Variants in TMTC1 observed in about 807,000 individuals in gnomAD.
The protein encoded by TMTC1 is transmembrane O-mannosyltransferase targeting cadherins 1.
A neutral mutation model predicts 104.8 loss-of-function variants in TMTC1; 73 were observed. The ratio of observed to expected loss-of-function variants is 0.70; its 90% CI spans 0.58 to 0.85. The LOEUF is 0.85. Ranked by LOEUF, TMTC1 falls within the 40% of genes least tolerant of loss-of-function variation. The pLI is 0.00. For missense variants in TMTC1, 1,035 were observed against 1,096.1 expected, an observed-to-expected ratio of 0.94 and a Z score of 0.79; for synonymous variants, 434 against 428.7, an observed-to-expected ratio of 1.01 and a Z score of -0.15.
chr12:29,688,919 G>A (rs1052008932), intron 5 of TMTC1, among the ~76,000 whole-genome samples: 3 of 151,938 alleles, frequency 2.0e-5, no homozygotes, highest in Non-Finnish European at 4.4e-5. Flanking sequence ...CCTCCCTGGT[G>A]GCCCTGTGTG....
At chr12:29,714,719 G>A (rs766068070) in intron 5 of TMTC1, among the ~76,000 whole-genome samples, 8 of 152,192 alleles carry the variant, frequency 5.3e-5, no homozygotes, top group Admixed American at 3.9e-4. Flanking sequence ...TCTCCCAAAC[G>A]CACATCCCAA....
chr12:29,733,106 A>G (rs1434176805), intron 5 of TMTC1, among the ~76,000 whole-genome samples: 3 of 152,228 alleles, frequency 2.0e-5, no homozygotes, highest in East Asian at 3.9e-4. Flanking sequence ...TCTGAACTCA[A>G]TTTTCTCCCA....
intron 5 of TMTC1, 41 bp downstream of exon 5, chr12:29,751,625 A>T (rs369966275): frequency 1.2e-4 from 191 of 1,608,246 alleles, no homozygotes; most frequent in Admixed American, 2.3e-4. Context: ...GTGATGCTGG[A>T]CATTGAAAAC....
chr12:29,604,308 CACA>C lies in TMTC1; in HGVS notation c.1129-12_1129-10del. On this transcript the variant is annotated splice_polypyrimidine_tract_variant and intron_variant, in intron 6 of 17. Coordinates refer to ENST00000539277, the MANE Select transcript of TMTC1 (RefSeq NM_001193451.2). ...TCCTTGTGCTCCAGTCTCTGAAACA[CACA>C]ATAGTGAAGGAAACATTAACTTCTG... The C allele has an allele frequency of 1.2e-6, 2 of 1,613,810 alleles. No homozygotes were observed. The highest frequency in any genetic ancestry group is 1.7e-6 in the Non-Finnish European group (2 of 1,179,750).
intron 9 of TMTC1, among the ~76,000 whole-genome samples, chr12:29,563,805 G>C (rs1353204032): frequency 3.3e-5 from 5 of 152,178 alleles, no homozygotes; most frequent in African/African-American, 1.2e-4. Flanking sequence ...TAAAGAGAAA[G>C]CTGTCCTTGC....
rs911992334 is a variant in TMTC1, at chr12:29,576,813, T to G, written c.1419-4595A>C. 4.6e-5 allele frequency among the ~76,000 whole-genome samples: 7 copies of G among 152,222 alleles called. 1 individual carries two copies. The highest frequency in any genetic ancestry group is 2.9e-5 in the Non-Finnish European group (2 of 68,002). On this transcript the variant is annotated intron_variant, in intron 8 of 17. Transcript: ENST00000539277. ...ATTAATACAAAAAAGAAAAAACAGG[T>G]AACTATGGAAGATAATGGATATGTT...
intron 5 of TMTC1, among the ~76,000 whole-genome samples, chr12:29,745,450 C>G (rs1942928081): frequency 6.6e-6 from 1 of 151,996 alleles, no homozygotes; most frequent in Non-Finnish European, 1.5e-5. Flanking sequence ...TGGTGAAACC[C>G]TGTCTCTACT....
intron 6 of TMTC1, among the ~76,000 whole-genome samples, chr12:29,607,026 G>C (rs1946720280): frequency 6.6e-6 from 1 of 152,048 alleles, no homozygotes; most frequent in Non-Finnish European, 1.5e-5. Flanking sequence ...CCATGGCACT[G>C]ATTGCTGTTG....
At chr12:29,769,471 GA>G (rs1053245721) in intron 1 of TMTC1, among the ~76,000 whole-genome samples, 6 of 152,312 alleles carry the variant, frequency 3.9e-5, no homozygotes, top group African/African-American at 1.4e-4. Flanking sequence ...GTGAACTAGA[GA>G]ACTCATAGGT....
intron 6 of TMTC1, among the ~76,000 whole-genome samples, chr12:29,625,844 C>T (rs1937961115): frequency 6.6e-6 from 1 of 152,178 alleles, no homozygotes; most frequent in Non-Finnish European, 1.5e-5. Flanking sequence ...AAGAAAAACC[C>T]TTTCTGACAT....
intron 10 of TMTC1, among the ~76,000 whole-genome samples, chr12:29,553,001 C>A (rs1273952633): frequency 2.6e-5 from 4 of 152,162 alleles, no homozygotes; most frequent in Non-Finnish European, 4.4e-5. Context: ...TTTTCTGGGT[C>A]ATCTCTCTCT....
intron 10 of TMTC1, among the ~76,000 whole-genome samples, chr12:29,544,458 G>A (rs1348921809): frequency 1.3e-5 from 2 of 151,932 alleles, no homozygotes; most frequent in Non-Finnish European, 2.9e-5. Flanking sequence ...CTCACACTGG[G>A]GATGGCACAG....
chr12:29,720,592 G>C (rs1351639973), intron 5 of TMTC1, among the ~76,000 whole-genome samples: 1 of 151,872 alleles, frequency 6.6e-6, no homozygotes, highest in African/African-American at 2.4e-5. Context: ...AGTGAAATTA[G>C]ACTTAATTAA....
chr12:29,520,245 GTATT>G (rs1292154130), intron 12 of TMTC1, among the ~76,000 whole-genome samples: 5 of 152,142 alleles, frequency 3.3e-5, no homozygotes, highest in African/African-American at 1.2e-4. Flanking sequence ...TTATAGAAAA[GTATT>G]TACCATCTGC....
chr12:29,597,920 T>C (rs993261555), intron 7 of TMTC1, among the ~76,000 whole-genome samples: 2 of 152,228 alleles, frequency 1.3e-5, no homozygotes, highest in East Asian at 1.9e-4. Context: ...TTCATAGTTT[T>C]ATAAAACTGC....
At chr12:29,644,361 G>A (rs1479668996) in intron 5 of TMTC1, among the ~76,000 whole-genome samples, 1 of 151,520 alleles carries the variant, frequency 6.6e-6, no homozygotes, top group Non-Finnish European at 1.5e-5. Flanking sequence ...GGGACTTGGG[G>A]GGAAGAGTGT....
At chr12:29,572,816 T>C (rs1945716907) in intron 8 of TMTC1, among the ~76,000 whole-genome samples, 1 of 152,184 alleles carries the variant, frequency 6.6e-6, no homozygotes, top group Admixed American at 6.5e-5. Context: ...AGCCTTCTTT[T>C]TCATGGAGAC....
At chr12:29,631,421 T>A (rs556284323) in intron 6 of TMTC1, among the ~76,000 whole-genome samples, 17 of 152,338 alleles carry the variant, frequency 1.1e-4, no homozygotes, top group African/African-American at 4.1e-4. Flanking sequence ...AATTTCTGTA[T>A]ACTGTATAAG....
intron 5 of TMTC1, among the ~76,000 whole-genome samples, chr12:29,707,454 G>A (rs1010669277): frequency 6.6e-6 from 1 of 152,112 alleles, no homozygotes; most frequent in Non-Finnish European, 1.5e-5. Flanking sequence ...CTGCTCTTCA[G>A]CTCCAGGCAT....
Sources: gnomAD v4.1 joint callset for allele counts (sites outside exome capture counted in the v4.1 genomes callset) on GRCh38, gnomAD v4.1.1 for gene constraint, MANE v1.5 for transcripts, NCBI Gene and HGNC (gene_info 2026-07-23, HGNC 2026-07-21) for gene names.